UTRN: variants seen among roughly 807,000 people sequenced by gnomAD.
UTRN encodes dystrophin-related protein 1.
A neutral mutation model predicts 463.9 loss-of-function variants in UTRN; 283 were observed. The observed-to-expected ratio is 0.61, with a 90% CI of 0.55 to 0.67. UTRN has a LOEUF of 0.67. UTRN is among the 30% of genes least tolerant of loss of function. UTRN has a pLI of 0.00. For synonymous variants in UTRN, 1,442 were observed against 1,431.5 expected (o/e 1.01, Z -0.17); for missense variants, 3,922 against 4,084.3 (o/e 0.96, Z 1.08).
rs749124767 is a variant in UTRN, at chr6:144,479,832, G to A, written c.3357G>A (p.Arg1119=). The part of the protein sequence containing the change: ...LSKEIATQKS[R]LSESQEKAAN... ...TGTAGATCGCTACTCAAAAAAGTAGGTTGTCTGAAAGTCAAGAAAAAGCTG... is the reference window on the plus strand; with the variant it reads ...TGTAGATCGCTACTCAAAAAAGTAGATTGTCTGAAAGTCAAGAAAAAGCTG... The change falls in exon 26 of 75, where the codon AGG becomes AGA. Residue 1119 remains arginine, a synonymous_variant. Coordinates refer to ENST00000367545, the MANE Select transcript of UTRN (RefSeq NM_007124.3). 4.3e-6 allele frequency: 7 copies of A among 1,613,672 alleles called. No individual in the cohort carries two copies. The highest frequency in any genetic ancestry group is 4.2e-6 in the Non-Finnish European group (5 of 1,179,858).
intron 60 of UTRN, among the ~76,000 whole-genome samples, chr6:144,781,659 A>G (rs73779131): frequency 0.028 from 4,246 of 152,286 alleles, 198 homozygotes; most frequent in African/African-American, 0.096. Flanking sequence ...AGAAAGTAGG[A>G]ATAATTAATA....
intron 51 of UTRN, among the ~76,000 whole-genome samples, chr6:144,629,294 A>G (rs568623961): frequency 6.6e-6 from 1 of 152,024 alleles, no homozygotes; most frequent in Admixed American, 6.5e-5. Context: ...TAAATGACGC[A>G]TCATGACCAT....
intron 51 of UTRN, among the ~76,000 whole-genome samples, chr6:144,676,931 G>T (rs1781668154): frequency 6.6e-6 from 1 of 152,154 alleles, no homozygotes; most frequent in African/African-American, 2.4e-5. Flanking sequence ...AAACGGGAGA[G>T]TAAGAGTCTG....
chr6:144,495,412 G>T (rs59904891), intron 33 of UTRN, among the ~76,000 whole-genome samples: 4,558 of 152,360 alleles, frequency 0.03, 264 homozygotes, highest in African/African-American at 0.1. Flanking sequence ...CTCATTGCCT[G>T]GGGCCGGCAG....
At position 144,447,648 on chromosome 6, in the gene UTRN, T is replaced by A; in HGVS notation, c.1769T>A (p.Leu590Gln). 3.1e-6 allele frequency: 5 copies of A among 1,614,006 alleles called. No homozygotes were observed. Among genetic ancestry groups the A allele is most frequent in the Non-Finnish European group, 4.2e-6 (5 of 1,179,956 alleles). Reference sequence around the variant, plus strand: ...ATGAAGCGTCAAACATTGGATCAGCTGAGTGAGATTGGCCAGGATGTGGGA... The same window carrying A: ...ATGAAGCGTCAAACATTGGATCAGCAGAGTGAGATTGGCCAGGATGTGGGA... ...MEMKRQTLDQ[L>Q]SEIGQDVGQL... The change falls in exon 16 of 75, where the codon CTG becomes CAG. Residue 590 changes from leucine (L) to glutamine (Q), a missense_variant. Leu to Gln is a moderately radical substitution (Grantham distance 113, BLOSUM62 -2). Around this residue, in one of 3 missense-constraint regions of UTRN, gnomAD observed 2,349 missense variants for 2,303.8 expected, o/e 1.02. Coordinates refer to ENST00000367545, the MANE Select transcript of UTRN (RefSeq NM_007124.3).
chr6:144,552,094 G>C (rs1166308139), intron 48 of UTRN, among the ~76,000 whole-genome samples: 1 of 152,064 alleles, frequency 6.6e-6, no homozygotes, highest in East Asian at 1.9e-4. Flanking sequence ...CTTTAACAGT[G>C]CCAATACAAA....
At chr6:144,697,102 A>G (rs1380180307) in intron 52 of UTRN, among the ~76,000 whole-genome samples, 3 of 152,168 alleles carry the variant, frequency 2.0e-5, no homozygotes, top group African/African-American at 7.2e-5. Context: ...AAATGATTCA[A>G]TTTTAAAAGG....
intron 23 of UTRN, among the ~76,000 whole-genome samples, chr6:144,463,812 A>G (rs1789654776): frequency 6.6e-6 from 1 of 151,692 alleles, no homozygotes; most frequent in African/African-American, 2.4e-5. Flanking sequence ...ATATCTATCT[A>G]TCTATATATA....
At chr6:144,462,561 T>A (rs1789530638) in intron 22 of UTRN, 93 bp from the exon 23 acceptor site, 2 of 1,228,148 alleles carry the variant, frequency 1.6e-6, no homozygotes, top group Non-Finnish European at 2.2e-6. Context: ...CTAATGCATT[T>A]TAAAGTGACT....
chr6:144,395,375 A>G (rs919755372), intron 2 of UTRN, among the ~76,000 whole-genome samples: 4 of 151,680 alleles, frequency 2.6e-5, no homozygotes, highest in African/African-American at 7.3e-5. Flanking sequence ...CAACACATAT[A>G]ATATGGTTGA....
At chr6:144,544,712 AC>A (rs999188574) in intron 46 of UTRN, among the ~76,000 whole-genome samples, 4 of 151,650 alleles carry the variant, frequency 2.6e-5, no homozygotes, top group African/African-American at 7.3e-5. Context: ...GAAAAAAAAA[AC>A]CTTTTTCGTT....
At chr6:144,433,160 C>G (rs1786062604) in intron 9 of UTRN, among the ~76,000 whole-genome samples, 1 of 152,218 alleles carries the variant, frequency 6.6e-6, no homozygotes, top group Non-Finnish European at 1.5e-5. Flanking sequence ...TTCCACAAAA[C>G]CGCCATTGTC....
At chr6:144,831,496 GGGC>G (rs1293930109) in intron 69 of UTRN, among the ~76,000 whole-genome samples, 6 of 152,092 alleles carry the variant, frequency 3.9e-5, no homozygotes, top group African/African-American at 1.2e-4. Context: ...ACCCTAGGAT[GGGC>G]ATTATTATGA....
chr6:144,293,906 G>A (rs1562712305), intron 2 of UTRN, among the ~76,000 whole-genome samples: 1 of 151,990 alleles, frequency 6.6e-6, no homozygotes, highest in Non-Finnish European at 1.5e-5. Flanking sequence ...GTGTGTGTGT[G>A]TGTGTGTGTG....
At position 144,610,643 on chromosome 6, in the gene UTRN, G is replaced by A. The variant is rs1002544789; in HGVS notation, c.7479+33355G>A. Among the ~76,000 whole-genome samples the A allele has an allele frequency of 7.2e-5, 11 of 152,244 alleles. No individual in the cohort carries two copies. The East Asian group carries it at 1.9e-3, about 27-fold the overall frequency. On this transcript the variant is annotated intron_variant, in intron 51 of 74. Coordinates refer to ENST00000367545, the MANE Select transcript of UTRN (RefSeq NM_007124.3). ...TAATCCCAGCACTTTGGGAGGCCAA[G>A]GTGGGAGAATCACCTAAGGTCAGGA...
At chr6:144,558,051 G>A (rs1799547501) in intron 50 of UTRN, among the ~76,000 whole-genome samples, 1 of 152,102 alleles carries the variant, frequency 6.6e-6, no homozygotes. Context: ...TTATTAAAAT[G>A]CAACTGTCTT....
intron 23 of UTRN, among the ~76,000 whole-genome samples, chr6:144,469,188 G>T (rs1790251622): frequency 6.6e-6 from 1 of 152,170 alleles, no homozygotes; most frequent in Non-Finnish European, 1.5e-5. Flanking sequence ...AATGTTGGCA[G>T]CAATTAAAAA....
intron 51 of UTRN, among the ~76,000 whole-genome samples, chr6:144,661,573 G>A (rs1258653499): frequency 6.6e-6 from 1 of 152,166 alleles, no homozygotes; most frequent in Non-Finnish European, 1.5e-5. Context: ...GGAAGGCAAG[G>A]AATATCTTCC....
At chr6:144,514,515 T>G (rs1585080712) in intron 36 of UTRN, 135 bp from the exon 37 acceptor site, 1 of 890,700 alleles carries the variant, frequency 1.1e-6, no homozygotes, top group Non-Finnish European at 1.7e-6. Flanking sequence ...AGCTCTCACC[T>G]GGTTGATTAT....
Sources: allele counts gnomAD v4.1 joint callset (sites outside exome capture counted in the v4.1 genomes callset), GRCh38; gene constraint gnomAD v4.1.1; regional missense constraint gnomAD v4.1.1; transcripts MANE v1.5; gene names NCBI Gene and HGNC (gene_info 2026-07-23, HGNC 2026-07-21).